The following CD55 variants were observed in gnomAD, a reference collection of about 807,000 sequenced individuals.
CD55 encodes CD55 molecule (Cromer blood group), also known as complement decay-accelerating factor.
A neutral mutation model predicts 45.8 loss-of-function variants in CD55; 41 were observed. The observed-to-expected ratio is 0.90, with a 90% CI of 0.70 to 1.16. CD55 has a LOEUF of 1.16. Among genes scored for constraint, CD55 ranks in the 50% most tolerant of loss-of-function variants. CD55 has a pLI of 0.00. For synonymous variants in CD55, 181 were observed against 181.1 expected, an observed-to-expected ratio of 1.00 and a Z score of 0.01; for missense variants, 416 against 469.8, an observed-to-expected ratio of 0.89 and a Z score of 1.06.
chr1:207,326,947 C>T (rs1003362291), intron 5 of CD55, 110 bp downstream of exon 5: 2 of 705,390 alleles, frequency 2.8e-6, no homozygotes, highest in African/African-American at 1.8e-5. Flanking sequence ...AGCAAACCCA[C>T]CTTTCAATAT....
At chr1:207,335,553 G>T (rs1223073091) in intron 6 of CD55, among the ~76,000 whole-genome samples, 4 of 152,142 alleles carry the variant, frequency 2.6e-5, no homozygotes, top group African/African-American at 9.7e-5. Flanking sequence ...ATAGAACAAA[G>T]AATAATTTAG....
chr1:207,326,893 A>G (rs1320922092), intron 5 of CD55, 56 bp downstream of exon 5: 9 of 1,224,942 alleles, frequency 7.3e-6, no homozygotes, highest in Non-Finnish European at 1.1e-5. Context: ...TCAATGATAA[A>G]TTAATTTCTG....
Position 207,328,229 on chromosome 1 carries a change from C to T in CD55, c.664+1392C>T, listed in dbSNP as rs554366503. ...ATGTTTTCCTCCTTGACTCTTCTAT[C>T]CTCTCTGTGACTCAGCAACCACTGA... On this transcript the variant is annotated intron_variant, in intron 5 of 9. Coordinates refer to ENST00000367064, the MANE Select transcript of CD55 (RefSeq NM_000574.5). Among the ~76,000 whole-genome samples, 7 of 152,316 alleles carry T rather than the reference C, an allele frequency of 4.6e-5. No homozygotes were observed. The South Asian group carries it at 8.3e-4, about 18-fold the overall frequency.
At chr1:207,325,747 G>C in intron 4 of CD55, 26 bp downstream of exon 4, 1 of 1,359,368 alleles carries the variant, frequency 7.4e-7, no homozygotes, top group East Asian at 2.3e-5. Flanking sequence ...CTAAAACCCT[G>C]TATTTAGGAA....
At position 207,331,542 on chromosome 1, in the gene CD55, G is replaced by T. The variant is rs796147512; in HGVS notation, c.853+246G>T. 3.6e-4 allele frequency among the ~76,000 whole-genome samples: 54 copies of T among 151,998 alleles called. 1 individual carries two copies. The highest frequency in any genetic ancestry group is 1.3e-3 in the African/African-American group (52 of 41,460). Reference sequence around the variant, plus strand: ...ATATAAAATAGGCCTCATATTTTTGGCAAATTTGCTTACATTTGCTGTTTT... The same window carrying T: ...ATATAAAATAGGCCTCATATTTTTGTCAAATTTGCTTACATTTGCTGTTTT... On this transcript the variant is annotated intron_variant, in intron 6 of 9. Coordinates refer to ENST00000367064, the MANE Select transcript of CD55 (RefSeq NM_000574.5).
intron 9 of CD55, among the ~76,000 whole-genome samples, chr1:207,342,223 C>T (rs1354229529): frequency 6.6e-6 from 1 of 151,880 alleles, no homozygotes; most frequent in East Asian, 1.9e-4. Context: ...GTTTGGATGC[C>T]TTTTATTTCT....
intron 5 of CD55, 116 bp downstream of exon 5, chr1:207,326,953 AAT>A (rs1475540452): frequency 8.2e-6 from 5 of 606,198 alleles, no homozygotes; most frequent in Non-Finnish European, 1.4e-5. Context: ...CCCACCTTTC[AAT>A]ATATGAGTGC....
chr1:207,345,800 G>A (rs1655608947), intron 9 of CD55, among the ~76,000 whole-genome samples: 1 of 152,178 alleles, frequency 6.6e-6, no homozygotes, highest in South Asian at 2.1e-4. Flanking sequence ...TTAATTCTGG[G>A]TGCATGCAGT....
intron 5 of CD55, among the ~76,000 whole-genome samples, chr1:207,328,652 T>C (rs964593448): frequency 2.6e-5 from 4 of 152,234 alleles, no homozygotes; most frequent in Admixed American, 2.0e-4. Flanking sequence ...AGTTGACTGA[T>C]GGTATCTGCT....
At position 207,360,336 on chromosome 1, in the gene CD55, A is replaced by G. The variant is rs1440249271; in HGVS notation, c.*726A>G. 7 of 152,178 alleles carry G rather than the reference A, an allele frequency of 4.6e-5. No homozygotes were observed. The highest frequency in any genetic ancestry group is 1.7e-4 in the African/African-American group (7 of 41,452). The allele number at this position is 152,178 out of a possible 1,614,324, so 9.4% of individuals were successfully genotyped here. A position where few individuals can be genotyped will look rare whatever the true frequency, so the allele number is the denominator to read the frequency against. On this transcript the variant is annotated 3_prime_UTR_variant, in exon 10 of 10. Transcript: ENST00000367064. Reference sequence around the variant, plus strand: ...GATTATATATTATTTCTGAATCGAGATGTCCATAGTCAAATTTGTAAATCT... The same window carrying G: ...GATTATATATTATTTCTGAATCGAGGTGTCCATAGTCAAATTTGTAAATCT...
At chr1:207,324,292 A>C (rs1392496522) in intron 2 of CD55, among the ~76,000 whole-genome samples, 1 of 151,570 alleles carries the variant, frequency 6.6e-6, no homozygotes, top group Non-Finnish European at 1.5e-5. Flanking sequence ...GGGCCAGGCA[A>C]CTTAAATTTT....
At chr1:207,344,297 T>C (rs756358842) in intron 9 of CD55, among the ~76,000 whole-genome samples, 1 of 152,236 alleles carries the variant, frequency 6.6e-6, no homozygotes, top group South Asian at 2.1e-4. Context: ...CTCTTCTTTG[T>C]GTGTTTGCTC....
In CD55 at chr1:207,359,623, TAAG is replaced by T. The variant is rs1193190547; in HGVS notation, c.*19_*21del. 4.4e-6 allele frequency: 7 copies of T among 1,584,604 alleles called. No individual in the cohort carries two copies. The highest frequency in any genetic ancestry group is 1.9e-5 in the Admixed American group (1 of 52,718). ...CTTGCTGACTTAGCCAAAGAAGAGTTAAGAAGAAAATACACACAAGTATACAGA... is the reference window on the plus strand; with the variant it reads ...CTTGCTGACTTAGCCAAAGAAGAGTTAAGAAAATACACACAAGTATACAGA... On this transcript the variant is annotated 3_prime_UTR_variant, in exon 10 of 10. Coordinates refer to ENST00000367064, the MANE Select transcript of CD55 (RefSeq NM_000574.5).
chr1:207,347,526 C>T (rs897202048), intron 9 of CD55: 15 of 284,428 alleles, frequency 5.3e-5, no homozygotes, highest in African/African-American at 3.1e-4. Flanking sequence ...TCCCAAAGTG[C>T]TGGGATTACA....
At position 207,359,726 on chromosome 1, in the gene CD55, T is replaced by C. The variant is rs1355083003; in HGVS notation, c.*116T>C. 27 of 1,363,470 alleles carry C rather than the reference T, an allele frequency of 2.0e-5. No individual in the cohort carries two copies. The highest frequency in any genetic ancestry group is 2.5e-5 in the Non-Finnish European group (26 of 1,034,400). The allele number at this position is 1,363,470 out of a possible 1,614,324, so 84.5% of individuals were successfully genotyped here. On this transcript the variant is annotated 3_prime_UTR_variant, in exon 10 of 10. Transcript: ENST00000367064. ...ATTGTGCTCTTCATTTAGGATGCTT[T>C]CATTGTCTTTAAGATGTGTTAGGAA... is the stretch of plus-strand genomic sequence containing the variant.
rs747622351 is a variant in CD55, at chr1:207,322,235, G to C, written c.101-147G>C. 1.6e-4 allele frequency: 120 copies of C among 766,306 alleles called. 1 individual carries two copies. Among genetic ancestry groups the C allele is most frequent in the Admixed American group, 6.5e-4 (33 of 50,848 alleles). The allele number at this position is 766,306 out of a possible 1,614,324, so 47.5% of individuals were successfully genotyped here. On this transcript the variant is annotated intron_variant, in intron 1 of 9. Transcript: ENST00000367064. ...CGCTGACCGTTCCCCACTCTCGACA[G>C]AGTCCAGCCGTGTGGAGCACACGAT...
chr1:207,343,703 T>A (rs1325828918), intron 9 of CD55, among the ~76,000 whole-genome samples: 1 of 152,232 alleles, frequency 6.6e-6, no homozygotes, highest in Admixed American at 6.5e-5. Context: ...ATGTGCAATT[T>A]AAATCCAATG....
At chr1:207,356,750 C>A (rs1161275780) in intron 9 of CD55, among the ~76,000 whole-genome samples, 1 of 152,130 alleles carries the variant, frequency 6.6e-6, no homozygotes, top group African/African-American at 2.4e-5. Context: ...ATTAAAACAA[C>A]AACAGCACAC....
In CD55 at chr1:207,337,333, A is replaced by G. The variant is rs772345819; in HGVS notation, c.984A>G (p.Thr328=). Residue 328 remains threonine, a synonymous_variant, in exon 8 of 10, where the codon ACA becomes ACG. Coordinates refer to ENST00000367064, the MANE Select transcript of CD55 (RefSeq NM_000574.5). ...TKTTTPNAQA[T]RSTPVSRTTK... ...TCCCTTCTGCTCATATTACAGCAACACGGAGTACACCTGTTTCCAGGACAA... is the reference window on the plus strand; with the variant it reads ...TCCCTTCTGCTCATATTACAGCAACGCGGAGTACACCTGTTTCCAGGACAA... The G allele has an allele frequency of 1.2e-6, 2 of 1,602,094 alleles. No individual in the cohort carries two copies. Among genetic ancestry groups the G allele is most frequent in the Admixed American group, 1.7e-5 (1 of 59,964 alleles).
Sources: gnomAD v4.1 joint callset for allele counts (sites outside exome capture counted in the v4.1 genomes callset) on GRCh38, gnomAD v4.1.1 for gene constraint, MANE v1.5 for transcripts, NCBI Gene and HGNC (gene_info 2026-07-23, HGNC 2026-07-21) for gene names.